The following ITFG1 variants were observed in gnomAD, a reference collection of about 807,000 sequenced individuals.
The protein encoded by ITFG1 is integrin alpha FG-GAP repeat containing 1, also known as T-cell immunomodulatory protein.
ITFG1 carries 34 observed loss-of-function variants against 81.8 expected under a neutral mutation model. That is an observed-to-expected ratio of 0.42 (90% CI 0.32 to 0.55). The LOEUF (loss-of-function observed/expected upper bound fraction) is 0.55, where lower values mean the gene tolerates loss of function less well. Among genes scored for constraint, ITFG1 ranks in the 20% least tolerant of loss-of-function variants. The pLI is 0.17. For missense variants in ITFG1, 672 were observed against 755.4 expected, an observed-to-expected ratio of 0.89 and a Z score of 1.29; for synonymous variants, 285 against 270.6, an observed-to-expected ratio of 1.05 and a Z score of -0.52.
At position 47,413,648 on chromosome 16, in the gene ITFG1, T is replaced by C. The variant is rs948118023; in HGVS notation, c.655+15156A>G. On this transcript the variant is annotated intron_variant, in intron 6 of 17. Transcript: ENST00000320640. Reference sequence around the variant, plus strand: ...AAAGTTGAAGCTGCAGTGAGCTGAGTTGGCGCCACTGCACTCTAGCCTGGG... The same window carrying C: ...AAAGTTGAAGCTGCAGTGAGCTGAGCTGGCGCCACTGCACTCTAGCCTGGG... Among the ~76,000 whole-genome samples, 3 of 152,020 alleles carry C rather than the reference T, an allele frequency of 2.0e-5. 1 individual carries two copies. Among genetic ancestry groups the C allele is most frequent in the Admixed American group, 1.3e-4 (2 of 15,266 alleles).
intron 5 of ITFG1, among the ~76,000 whole-genome samples, chr16:47,450,740 T>A (rs562943239): frequency 2.0e-5 from 3 of 152,094 alleles, no homozygotes; most frequent in Admixed American, 1.3e-4. Flanking sequence ...AGAAAAAAAA[T>A]TAACCGGGTT....
chr16:47,208,826 A>G (rs777723629), intron 14 of ITFG1, among the ~76,000 whole-genome samples: 1 of 152,230 alleles, frequency 6.6e-6, no homozygotes, highest in Non-Finnish European at 1.5e-5. Flanking sequence ...CATTTGTAAG[A>G]GTAAAACCTT....
At chr16:47,220,773 T>G (rs1225254539) in intron 13 of ITFG1, among the ~76,000 whole-genome samples, 1 of 152,040 alleles carries the variant, frequency 6.6e-6, no homozygotes, top group African/African-American at 2.4e-5. Context: ...CCAATATATT[T>G]TAGTGTAACA....
intron 14 of ITFG1, among the ~76,000 whole-genome samples, chr16:47,167,545 G>C (rs1379983106): frequency 2.0e-5 from 3 of 151,140 alleles, no homozygotes; most frequent in Non-Finnish European, 2.9e-5. Flanking sequence ...AGCACCTTGC[G>C]ACCCCCACTC....
At position 47,441,488 on chromosome 16, in the gene ITFG1, C is replaced by A. The variant is rs373765920; in HGVS notation, c.560+9908G>T. ...TCAAAAAGCTTATCCACCATGATCA[C>A]GTGGGCTTCATCCCTGGGATGCAAG... On this transcript the variant is annotated intron_variant, in intron 5 of 17. Transcript: ENST00000320640. Among the ~76,000 whole-genome samples the A allele has an allele frequency of 3.5e-3, 538 of 152,190 alleles. 8 individuals are homozygous for A. In the South Asian group the frequency reaches 0.055, roughly 16 times the overall value.
chr16:47,427,558 G>A (rs1029682665), intron 6 of ITFG1, among the ~76,000 whole-genome samples: 16 of 152,180 alleles, frequency 1.1e-4, no homozygotes, highest in Non-Finnish European at 1.9e-4. Context: ...CTTGGGAGGC[G>A]GAGGTTGCAG....
At chr16:47,458,203 A>G (rs1969477590) in intron 2 of ITFG1, among the ~76,000 whole-genome samples, 2 of 152,216 alleles carry the variant, frequency 1.3e-5, no homozygotes. Flanking sequence ...TCTTTTTTGT[A>G]TCTGAAGGCT....
intron 7 of ITFG1, among the ~76,000 whole-genome samples, chr16:47,374,461 G>C (rs748998788): frequency 1.9e-4 from 29 of 151,952 alleles, no homozygotes; most frequent in Admixed American, 1.3e-4. Flanking sequence ...GATACTTAAG[G>C]GTGTTTCATT....
chr16:47,279,020 T>G (rs149529265), intron 10 of ITFG1, among the ~76,000 whole-genome samples: 1 of 152,308 alleles, frequency 6.6e-6, no homozygotes, highest in African/African-American at 2.4e-5. Context: ...AGTTTTTTTA[T>G]ATATTGTGAA....
At chr16:47,286,171 T>C (rs1351916388) in intron 10 of ITFG1, among the ~76,000 whole-genome samples, 1 of 152,156 alleles carries the variant, frequency 6.6e-6, no homozygotes, top group Non-Finnish European at 1.5e-5. Context: ...ATTTAGACTG[T>C]GATGCAGTCT....
intron 6 of ITFG1, among the ~76,000 whole-genome samples, chr16:47,392,316 G>C (rs1474162676): frequency 6.6e-6 from 1 of 152,178 alleles, no homozygotes; most frequent in East Asian, 1.9e-4. Flanking sequence ...AAGGAGATGA[G>C]GAAGTGAGCC....
chr16:47,304,100 G>GAAATCCTA (rs1192070058), intron 10 of ITFG1, among the ~76,000 whole-genome samples: 1 of 152,160 alleles, frequency 6.6e-6, no homozygotes, highest in Non-Finnish European at 1.5e-5. Flanking sequence ...GGGATTTATA[G>GAAATCCTA]TTGTAGAAAA....
intron 10 of ITFG1, among the ~76,000 whole-genome samples, chr16:47,306,941 A>C (rs1967171229): frequency 6.6e-6 from 1 of 151,728 alleles, no homozygotes; most frequent in Non-Finnish European, 1.5e-5. Context: ...AAAAATACAA[A>C]AAATTAGCCG....
intron 8 of ITFG1, among the ~76,000 whole-genome samples, chr16:47,321,354 T>C (rs1967445674): frequency 6.6e-6 from 1 of 152,192 alleles, no homozygotes. Context: ...AAGGGATATA[T>C]GACAGATAAT....
intron 6 of ITFG1, among the ~76,000 whole-genome samples, chr16:47,394,455 T>C (rs1968569816): frequency 6.6e-6 from 1 of 152,188 alleles, no homozygotes; most frequent in Admixed American, 6.5e-5. Flanking sequence ...TAAAGCTTTT[T>C]CAGAAACAAA....
intron 12 of ITFG1, among the ~76,000 whole-genome samples, chr16:47,240,722 G>A (rs1192243169): frequency 6.6e-6 from 1 of 152,164 alleles, no homozygotes; most frequent in Non-Finnish European, 1.5e-5. Flanking sequence ...GCCTTAAAAA[G>A]GAAGGAAATC....
intron 14 of ITFG1, among the ~76,000 whole-genome samples, chr16:47,200,960 A>T (rs1050818739): frequency 1.3e-5 from 2 of 152,318 alleles, no homozygotes; most frequent in South Asian, 4.1e-4. Flanking sequence ...TTCCTGGCTC[A>T]TTTTCCCAAT....
chr16:47,307,117 A>C (rs1247358130), intron 10 of ITFG1, among the ~76,000 whole-genome samples: 3 of 148,330 alleles, frequency 2.0e-5, no homozygotes, highest in Non-Finnish European at 3.0e-5. Context: ...AAAAAAAAAA[A>C]AAAAAACGGA....
At chr16:47,274,259 A>G (rs755373566) in intron 10 of ITFG1, among the ~76,000 whole-genome samples, 3 of 152,090 alleles carry the variant, frequency 2.0e-5, no homozygotes, top group Non-Finnish European at 4.4e-5. Context: ...CATCTCATAA[A>G]AAGAAAAAAA....
Sources: allele counts gnomAD v4.1 joint callset (sites outside exome capture counted in the v4.1 genomes callset), GRCh38; gene constraint gnomAD v4.1.1; transcripts MANE v1.5; gene names NCBI Gene and HGNC (gene_info 2026-07-23, HGNC 2026-07-21).